Variants in PIP5KL1 observed in about 807,000 individuals in gnomAD.
The protein encoded by PIP5KL1 is phosphatidylinositol 4-phosphate 5-kinase-like protein 1.
In PIP5KL1, 45 loss-of-function variants were observed where a neutral mutation model predicts 47.6. The observed-to-expected ratio is 0.94, with a 90% confidence interval of 0.74 to 1.21. The LOEUF (loss-of-function observed/expected upper bound fraction) is 1.21, where lower values mean the gene tolerates loss of function less well. Among genes scored for constraint, PIP5KL1 ranks in the 50% most tolerant of loss-of-function variants. PIP5KL1 has a pLI of 0.00. For synonymous variants in PIP5KL1, 256 were observed against 234.6 expected (o/e 1.09, Z -0.84); for missense variants, 577 against 547.6 (o/e 1.05, Z -0.54).
At chr9:127,923,661 CCAA>C (rs1000268301) in intron 9 of PIP5KL1, among the ~76,000 whole-genome samples, 6 of 152,224 alleles carry the variant, frequency 3.9e-5, no homozygotes, top group Non-Finnish European at 7.3e-5. Flanking sequence ...CTCACCCATA[CCAA>C]GTTCTTCCTC....
Position 127,925,982 on chromosome 9 carries a change from G to A in PIP5KL1, c.651-3C>T. 6.9e-6 allele frequency: 11 copies of A among 1,603,770 alleles called. No homozygotes were observed. The highest frequency in any genetic ancestry group is 8.5e-6 in the Non-Finnish European group (10 of 1,172,558). ...CCTCGCAGCCTTTGATGTCATACCT[G>A]GGTGGGGGGACAGAATTCAGCTTTA... On this transcript the variant is annotated splice_region_variant and splice_polypyrimidine_tract_variant and intron_variant, in intron 7 of 9. Coordinates refer to ENST00000388747, the MANE Select transcript of PIP5KL1 (RefSeq NM_001135219.2).
In PIP5KL1 at chr9:127,927,547, C is replaced by A; in HGVS notation, c.559+101G>T. The A allele has an allele frequency of 6.9e-7, 1 of 1,445,316 alleles. No individual in the cohort carries two copies. Among genetic ancestry groups the A allele is most frequent in the East Asian group, 2.5e-5 (1 of 39,666 alleles). The allele number at this position is 1,445,316 out of a possible 1,614,324, so 89.5% of individuals were successfully genotyped here. On this transcript the variant is annotated intron_variant, in intron 5 of 9. Transcript: ENST00000388747. The surrounding 1 kb of genome is among the most constrained non-coding windows in gnomAD (Gnocchi z 5.5). Reference sequence around the variant, plus strand: ...TGGCCCCACCCCCATGCCCTACAACCCCAAATCCGCCCATTTGGGCCCCGC... The same window carrying A: ...TGGCCCCACCCCCATGCCCTACAACACCAAATCCGCCCATTTGGGCCCCGC...
chr9:127,921,749 A>C lies in PIP5KL1; in HGVS notation c.*98T>G. 1 of 1,434,152 alleles carries C rather than the reference A, an allele frequency of 7.0e-7. No homozygotes were observed. The highest frequency in any genetic ancestry group is 9.2e-7 in the Non-Finnish European group (1 of 1,084,458). 88.8% of individuals were successfully genotyped at this position (1,434,152 alleles called of 1,614,324 possible). A position where few individuals can be genotyped will look rare whatever the true frequency, so the allele number is the denominator to read the frequency against. ...TAGGGGATGCTGCCCTCTGGCGACC[A>C]TCAGGAGGAAGCGCAGGCGAGATGC... On this transcript the variant is annotated 3_prime_UTR_variant, in exon 10 of 10. Transcript: ENST00000388747.
In PIP5KL1 at chr9:127,927,285, G is replaced by T. The variant is rs763031252; in HGVS notation, c.594+12C>A. 6.2e-7 allele frequency: 1 copy of T among 1,611,448 alleles called. No individual in the cohort carries two copies. ...CCGCTCCGCCCAGCCACCTCGCCTC[G>T]GCTTCACCCACCTTCTTTCCCCGGT... On this transcript the variant is annotated intron_variant, in intron 6 of 9. Transcript: ENST00000388747. The surrounding 1 kb of genome is among the most constrained non-coding windows in gnomAD (Gnocchi z 5.5).
chr9:127,927,498 C>T lies in PIP5KL1; in HGVS notation c.559+150G>A, dbSNP rs1831380137. 1.4e-6 allele frequency: 2 copies of T among 1,456,238 alleles called. No individual in the cohort carries two copies. The highest frequency in any genetic ancestry group is 1.4e-5 in the South Asian group (1 of 71,904). 90.2% of individuals were successfully genotyped at this position (1,456,238 alleles called of 1,614,324 possible). ...CCCGATCCCACCCCTAAACACAGCCCCAGTGGTGCCCCGCCCCCACGTATG... is the reference window on the plus strand; with the variant it reads ...CCCGATCCCACCCCTAAACACAGCCTCAGTGGTGCCCCGCCCCCACGTATG... On this transcript the variant is annotated intron_variant, in intron 5 of 9. Coordinates refer to ENST00000388747, the MANE Select transcript of PIP5KL1 (RefSeq NM_001135219.2). The surrounding 1 kb of genome is among the most constrained non-coding windows in gnomAD (Gnocchi z 5.5).
intron 1 of PIP5KL1, 21 bp downstream of exon 1, chr9:127,930,702 C>T (rs889893501): frequency 1.9e-6 from 3 of 1,564,658 alleles, no homozygotes; most frequent in African/African-American, 2.8e-5. Context: ...CTCTCCTGTC[C>T]TCTCTCGGGT....
At position 127,922,094 on chromosome 9, in the gene PIP5KL1, C is replaced by A. The variant is rs1475971882; in HGVS notation, c.938G>T (p.Ser313Ile). 1.9e-6 allele frequency: 3 copies of A among 1,544,480 alleles called. No individual in the cohort carries two copies. The highest frequency in any genetic ancestry group is 1.4e-5 in the African/African-American group (1 of 73,538). The part of the protein sequence containing the change: ...RTARSVQGAQ[S>I]PEESRAQNRR... ...GTTTTGGGCTCTCGACTCTTCCGGG[C>A]TCTGTGCCCCTTGCACAGACCTGGG... Residue 313 changes from serine to isoleucine, a missense_variant, in exon 10 of 10, where the codon AGC (serine) becomes ATC (isoleucine). Transcript: ENST00000388747.
chr9:127,927,804 G>A lies in PIP5KL1; in HGVS notation c.435-32C>T. The A allele has an allele frequency of 6.5e-7, 1 of 1,545,478 alleles. No homozygotes were observed. The highest frequency in any genetic ancestry group is 8.7e-7 in the Non-Finnish European group (1 of 1,147,622). On this transcript the variant is annotated intron_variant, in intron 4 of 9. Transcript: ENST00000388747. The surrounding 1 kb of genome is among the most constrained non-coding windows in gnomAD (Gnocchi z 5.5). The stretch of plus-strand genomic sequence containing the variant: ...GGCAAGAGAAAGAGGTCACTGCCCA[G>A]GCCTGGCTGGAGCGGCTCCCACCCG...
At position 127,929,748 on chromosome 9, in the gene PIP5KL1, C is replaced by T. The variant is rs953650772; in HGVS notation, c.168G>A (p.Thr56=). Residue 56 remains threonine (T), a synonymous_variant, in exon 2 of 10, where the codon ACG becomes ACA. Coordinates refer to ENST00000388747, the MANE Select transcript of PIP5KL1 (RefSeq NM_001135219.2). The surrounding 1 kb of genome is among the most constrained non-coding windows in gnomAD (Gnocchi z 4.0). ...CCCACAGCCCTGCCTGCATCATGCA[C>T]GTCATCCCATGCAGTTCATGCCCCG... The part of the protein sequence containing the change: ...ISPGHELHGM[T]CMMQAGLWAA... The T allele has an allele frequency of 1.3e-5, 21 of 1,586,094 alleles. No homozygotes were observed. Among genetic ancestry groups the T allele is most frequent in the Admixed American group, 8.9e-5 (5 of 56,140 alleles).
At chr9:127,928,658 C>G (rs748497821) in intron 2 of PIP5KL1, 175 bp from the exon 3 acceptor site, 101 of 665,208 alleles carry the variant, frequency 1.5e-4, no homozygotes, top group Middle Eastern at 4.1e-4. Context: ...TTGCTCACCT[C>G]CCAGGGATGC....
rs749654962 is a variant in PIP5KL1 at position 127,925,266 on chromosome 9, G to A, written c.764-6C>T. On this transcript the variant is annotated splice_region_variant and splice_polypyrimidine_tract_variant and intron_variant, in intron 8 of 9. Transcript: ENST00000388747. ...GAACCAGCTCCGCTGGGGCCCTGCCGGAGCATCAGTGCCCCCACCTGAGCG... is the reference window on the plus strand; with the variant it reads ...GAACCAGCTCCGCTGGGGCCCTGCCAGAGCATCAGTGCCCCCACCTGAGCG... 2.1e-5 allele frequency: 34 copies of A among 1,610,846 alleles called. No individual in the cohort carries two copies. Among genetic ancestry groups the A allele is most frequent in the Admixed American group, 8.3e-5 (5 of 59,982 alleles).
chr9:127,926,166 TTTTC>T lies in PIP5KL1; in HGVS notation c.651-191_651-188del, dbSNP rs201063633. Reference sequence around the variant, plus strand: ...TCTCTTTTCTTTCTTTCTCTCTCTCTTTTCTTTCTTTCTCTCTCTTCTCTCTTTC... The same window carrying T: ...TCTCTTTTCTTTCTTTCTCTCTCTCTTTTCTTTCTCTCTCTTCTCTCTTTC... On this transcript the variant is annotated intron_variant, in intron 7 of 9. Transcript: ENST00000388747. 6.4e-3 allele frequency among the ~76,000 whole-genome samples: 965 copies of T among 151,788 alleles called. 11 individuals are homozygous for T. The highest frequency in any genetic ancestry group is 0.022 in the African/African-American group (918 of 41,340).
Position 127,922,079 on chromosome 9 carries a change from C to G in PIP5KL1, c.953G>C (p.Arg318Thr). 1.9e-6 allele frequency: 3 copies of G among 1,557,924 alleles called. No individual in the cohort carries two copies. The highest frequency in any genetic ancestry group is 1.9e-5 in the Admixed American group (1 of 53,654). ...VQGAQSPEESRAQNRRLLPDA... is the reference protein window; with the variant it reads ...VQGAQSPEESTAQNRRLLPDA... ...GGGCAGCAGCCGGCGGTTTTGGGCT[C>G]TCGACTCTTCCGGGCTCTGTGCCCC... Residue 318 changes from arginine to threonine, a missense_variant, in exon 10 of 10, where the codon AGA (arginine) becomes ACA (threonine). Arg to Thr is a moderately conservative substitution (Grantham distance 71). Coordinates refer to ENST00000388747, the MANE Select transcript of PIP5KL1 (RefSeq NM_001135219.2).
intron 9 of PIP5KL1, among the ~76,000 whole-genome samples, chr9:127,923,581 G>C (rs1446727321): frequency 6.6e-6 from 1 of 152,248 alleles, no homozygotes; most frequent in Non-Finnish European, 1.5e-5. Context: ...CCCCATGGCA[G>C]GCTTGCCACC....
At chr9:127,922,715 A>AAAAAAAAAAAAG (rs1831305440) in intron 9 of PIP5KL1, among the ~76,000 whole-genome samples, 1 of 148,980 alleles carries the variant, frequency 6.7e-6, no homozygotes, top group African/African-American at 2.4e-5. Flanking sequence ...AAAAAAAGAA[A>AAAAAAAAAAAAG]AAAGAAAAAG....
Position 127,927,228 on chromosome 9 carries a change from G to T in PIP5KL1, c.595-20C>A, listed in dbSNP as rs1831375552. Reference sequence around the variant, plus strand: ...GTACGTCTGGGGGCCGGGACAGGGAGTGAGGGAGGCCGGCTGTCGCCCTCC... The same window carrying T: ...GTACGTCTGGGGGCCGGGACAGGGATTGAGGGAGGCCGGCTGTCGCCCTCC... On this transcript the variant is annotated intron_variant, in intron 6 of 9. Transcript: ENST00000388747. The surrounding 1 kb of genome is among the most constrained non-coding windows in gnomAD (Gnocchi z 5.5). 3 of 1,612,916 alleles carry T rather than the reference G, an allele frequency of 1.9e-6. No homozygotes were observed. The highest frequency in any genetic ancestry group is 1.7e-6 in the Non-Finnish European group (2 of 1,179,776).
chr9:127,930,547 G>A lies in PIP5KL1; in HGVS notation c.30+176C>T, dbSNP rs546214281. 5.3e-5 allele frequency among the ~76,000 whole-genome samples: 8 copies of A among 152,356 alleles called. No individual in the cohort carries two copies. The South Asian group carries it at 1.7e-3, about 32-fold the overall frequency. On this transcript the variant is annotated intron_variant, in intron 1 of 9. Transcript: ENST00000388747. Reference sequence around the variant, plus strand: ...GCTGAGGAAGTGTTGAGGGATATCCGCCAGGCCGCCCCTCGGGATACCTGG... The same window carrying A: ...GCTGAGGAAGTGTTGAGGGATATCCACCAGGCCGCCCCTCGGGATACCTGG...
In PIP5KL1 at chr9:127,922,015, C is replaced by T. The variant is rs1439089717; in HGVS notation, c.1017G>A (p.Glu339=). 6.3e-6 allele frequency: 10 copies of T among 1,575,346 alleles called. No homozygotes were observed. Among genetic ancestry groups the T allele is most frequent in the Non-Finnish European group, 8.6e-6 (10 of 1,161,684 alleles). Residue 339 remains glutamate (E), a synonymous_variant, in exon 10 of 10, where the codon GAG becomes GAA. Transcript: ENST00000388747. ...CCACGACGCCCAGGAAATAGCGCTG[C>T]TCGGGCCCGTCCAGGATGTGTAGGG... ...PNALHILDGP[E]QRYFLGVVDL...
rs192270193 is a variant in PIP5KL1, at chr9:127,924,604, C to T, written c.917+503G>A. On this transcript the variant is annotated intron_variant, in intron 9 of 9. Coordinates refer to ENST00000388747, the MANE Select transcript of PIP5KL1 (RefSeq NM_001135219.2). ...CGGGGAGGCAGAGGTTGCAGTGAGCCGAGAGGGCACCACTGCATTCCAGCC... is the reference window on the plus strand; with the variant it reads ...CGGGGAGGCAGAGGTTGCAGTGAGCTGAGAGGGCACCACTGCATTCCAGCC... 3.7e-4 allele frequency among the ~76,000 whole-genome samples: 55 copies of T among 147,024 alleles called. No individual in the cohort carries two copies. The East Asian group carries it at 7.5e-3, about 20-fold the overall frequency.
Sources: allele counts gnomAD v4.1 joint callset (sites outside exome capture counted in the v4.1 genomes callset), GRCh38; gene constraint gnomAD v4.1.1; non-coding constraint Gnocchi (gnomAD v3.1); transcripts MANE v1.5; gene names NCBI Gene and HGNC (gene_info 2026-07-23, HGNC 2026-07-21).